The following DRC11 variants were observed in gnomAD, a reference collection of about 807,000 sequenced individuals.
The protein encoded by DRC11 is IQ and AAA domain-containing protein 1.
the DRC11 span, among the ~76,000 whole-genome samples, chr2:236,422,999 T>C: frequency 6.6e-6 from 1 of 151,846 alleles, no homozygotes. Flanking sequence ...GCTAGCCATA[T>C]GTAGAAAGCT....
the DRC11 span, among the ~76,000 whole-genome samples, chr2:236,453,845 T>C: frequency 6.6e-6 from 1 of 152,156 alleles, no homozygotes; most frequent in Non-Finnish European, 1.5e-5. The surrounding 1 kb of genome is among the most constrained non-coding windows in gnomAD (Gnocchi z 4.9). Context: ...TTTCATCATG[T>C]TGGCCAGGCT....
At chr2:236,341,550 A>G in the DRC11 span, among the ~76,000 whole-genome samples, 1 of 152,152 alleles carries the variant, frequency 6.6e-6, no homozygotes, top group Non-Finnish European at 1.5e-5. Context: ...GTGCAGGAGG[A>G]CAGAGAATTC....
chr2:236,392,521 A>T, the DRC11 span: 1 of 429,842 alleles, frequency 2.3e-6, no homozygotes. This position sits in a 1 kb window ranked among gnomAD's most constrained non-coding sequence, Gnocchi z 5.1. Flanking sequence ...AGCTGGACAG[A>T]TGAGATTCAT....
the DRC11 span, chr2:236,503,582 G>A: frequency 6.7e-7 from 1 of 1,499,776 alleles, no homozygotes; most frequent in South Asian, 1.2e-5. The surrounding 1 kb of genome is among the most constrained non-coding windows in gnomAD (Gnocchi z 4.9). Flanking sequence ...ATTCCCGGCT[G>A]ACAGGAAAAT....
chr2:236,495,315 C>T, the DRC11 span, among the ~76,000 whole-genome samples: 1 of 152,142 alleles, frequency 6.6e-6, no homozygotes, highest in Non-Finnish European at 1.5e-5. This position sits in a 1 kb window ranked among gnomAD's most constrained non-coding sequence, Gnocchi z 5.6. Context: ...TGCACTCCAG[C>T]CTGGGCAAGA....
At chr2:236,443,243 T>C in the DRC11 span, among the ~76,000 whole-genome samples, 1 of 152,164 alleles carries the variant, frequency 6.6e-6, no homozygotes, top group South Asian at 2.1e-4. This position sits in a 1 kb window ranked among gnomAD's most constrained non-coding sequence, Gnocchi z 4.4. Flanking sequence ...CGTAGGTAGA[T>C]GTGTGCCTTG....
chr2:236,494,987 A>G, the DRC11 span, among the ~76,000 whole-genome samples: 2 of 152,220 alleles, frequency 1.3e-5, no homozygotes, highest in African/African-American at 4.8e-5. The surrounding 1 kb of genome is among the most constrained non-coding windows in gnomAD (Gnocchi z 4.2). Flanking sequence ...TGGTACTTTT[A>G]TAACTTTGAA....
chr2:236,315,198 G>A, the DRC11 span, among the ~76,000 whole-genome samples: 2 of 152,214 alleles, frequency 1.3e-5, no homozygotes. This position sits in a 1 kb window ranked among gnomAD's most constrained non-coding sequence, Gnocchi z 5.1. Context: ...AATGATAGAG[G>A]GCACTGAAAA....
chr2:236,447,964 C>A, the DRC11 span, among the ~76,000 whole-genome samples: 4 of 151,976 alleles, frequency 2.6e-5, no homozygotes, highest in East Asian at 5.8e-4. The surrounding 1 kb of genome is among the most constrained non-coding windows in gnomAD (Gnocchi z 4.6). Context: ...CAAAACAGTT[C>A]GCAGATAATC....
chr2:236,325,079 T>C, the DRC11 span, among the ~76,000 whole-genome samples: 1 of 152,204 alleles, frequency 6.6e-6, no homozygotes, highest in Non-Finnish European at 1.5e-5. This position sits in a 1 kb window ranked among gnomAD's most constrained non-coding sequence, Gnocchi z 4.4. Flanking sequence ...TGCCTGTTTT[T>C]CCGGGGTTGG....
At chr2:236,357,416 A>G in the DRC11 span, among the ~76,000 whole-genome samples, 1 of 125,700 alleles carries the variant, frequency 8.0e-6, no homozygotes, top group Non-Finnish European at 1.5e-5. Context: ...TATTTATATT[A>G]TAAATAATTT....
the DRC11 span, among the ~76,000 whole-genome samples, chr2:236,392,627 T>C: frequency 9.2e-5 from 14 of 152,316 alleles, no homozygotes; most frequent in Middle Eastern, 3.4e-3. The surrounding 1 kb of genome is among the most constrained non-coding windows in gnomAD (Gnocchi z 5.1). Context: ...TGTGATACAA[T>C]AGTATTCTAC....
At chr2:236,329,171 T>A in the DRC11 span, among the ~76,000 whole-genome samples, 1 of 152,250 alleles carries the variant, frequency 6.6e-6, no homozygotes, top group Non-Finnish European at 1.5e-5. Context: ...ATGATTACAT[T>A]GGACTCACCA....
chr2:236,348,256 T>G, the DRC11 span, among the ~76,000 whole-genome samples: 2 of 152,132 alleles, frequency 1.3e-5, no homozygotes, highest in South Asian at 2.1e-4. The surrounding 1 kb of genome is among the most constrained non-coding windows in gnomAD (Gnocchi z 7.4). Flanking sequence ...CAGGAGAAAG[T>G]TGCCACAGGA....
chr2:236,430,268 G>A, the DRC11 span, among the ~76,000 whole-genome samples: 1 of 152,070 alleles, frequency 6.6e-6, no homozygotes, highest in Admixed American at 6.6e-5. The surrounding 1 kb of genome is among the most constrained non-coding windows in gnomAD (Gnocchi z 6.0). Context: ...AATTGTATAG[G>A]TGAAAAGTAA....
chr2:236,392,403 T>C, the DRC11 span: 14 of 982,510 alleles, frequency 1.4e-5, no homozygotes, highest in East Asian at 2.6e-5. The surrounding 1 kb of genome is among the most constrained non-coding windows in gnomAD (Gnocchi z 5.1). Context: ...TAAAAAGATA[T>C]AGGTTAATGA....
At chr2:236,356,991 T>A in the DRC11 span, among the ~76,000 whole-genome samples, 2 of 109,766 alleles carry the variant, frequency 1.8e-5, no homozygotes, top group East Asian at 4.3e-4. Context: ...ATATTATATA[T>A]CTATATATTT....
the DRC11 span, among the ~76,000 whole-genome samples, chr2:236,406,582 T>C: frequency 6.6e-6 from 1 of 152,188 alleles, no homozygotes; most frequent in South Asian, 2.1e-4. This position sits in a 1 kb window ranked among gnomAD's most constrained non-coding sequence, Gnocchi z 4.7. Context: ...AGGCTGACGA[T>C]TTCCCACTGA....
At chr2:236,369,810 C>T in the DRC11 span, among the ~76,000 whole-genome samples, 35 of 152,140 alleles carry the variant, frequency 2.3e-4, no homozygotes, top group Admixed American at 5.9e-4. The surrounding 1 kb of genome is among the most constrained non-coding windows in gnomAD (Gnocchi z 4.5). Flanking sequence ...ATTCGGAGCT[C>T]GGAAAGTCCA....
Sources: allele counts gnomAD v4.1 joint callset (sites outside exome capture counted in the v4.1 genomes callset), GRCh38; gene constraint gnomAD v4.1.1; non-coding constraint Gnocchi (gnomAD v3.1); transcripts MANE v1.5; gene names NCBI Gene and HGNC (gene_info 2026-07-23, HGNC 2026-07-21).